Variants in LRRK2 observed in about 807,000 individuals in gnomAD.
LRRK2 encodes the protein leucine-rich repeat serine/threonine-protein kinase 2.
Under a neutral mutation model 302.6 loss-of-function variants are expected in LRRK2, and 203 were observed. That is an observed-to-expected ratio of 0.67 (90% CI 0.60 to 0.75). The LOEUF (loss-of-function observed/expected upper bound fraction) is 0.75, where lower values mean the gene tolerates loss of function less well. LRRK2 is among the 30% of genes least tolerant of loss of function. The pLI, the probability that LRRK2 is intolerant of heterozygous loss-of-function variation, is 0.00. For missense variants in LRRK2, 2,830 were observed against 2,951.0 expected (o/e 0.96, Z 0.95); for synonymous variants, 1,066 against 1,031.9 (o/e 1.03, Z -0.63).
intron 41 of LRRK2, among the ~76,000 whole-genome samples, chr12:40,342,324 C>T (rs1181759504): frequency 6.6e-6 from 1 of 152,128 alleles, no homozygotes; most frequent in Non-Finnish European, 1.5e-5. Context: ...CCATCTGATT[C>T]TTCATACCAA....
chr12:40,339,452 G>A (rs889259957), intron 40 of LRRK2, among the ~76,000 whole-genome samples: 1 of 152,146 alleles, frequency 6.6e-6, no homozygotes, highest in Admixed American at 6.5e-5. Flanking sequence ...ATAAGACCTG[G>A]TTGAGATGAA....
intron 38 of LRRK2, among the ~76,000 whole-genome samples, chr12:40,327,380 A>T (rs1945585989): frequency 6.6e-6 from 1 of 152,228 alleles, no homozygotes; most frequent in African/African-American, 2.4e-5. Flanking sequence ...GAAGAAAAAA[A>T]TCTAATGACC....
intron 25 of LRRK2, chr12:40,301,136 A>G (rs1944609532): frequency 2.2e-6 from 1 of 456,402 alleles, no homozygotes; most frequent in Non-Finnish European, 4.4e-6. Context: ...GCTTTGCACT[A>G]CACAATCTTA....
chr12:40,248,672 A>G (rs1246686963), intron 7 of LRRK2, among the ~76,000 whole-genome samples: 1 of 152,208 alleles, frequency 6.6e-6, no homozygotes, highest in Non-Finnish European at 1.5e-5. Context: ...TAATGCATTT[A>G]AAGGCTTTGT....
Position 40,232,298 on chromosome 12 carries a change from T to C in LRRK2, c.262T>C (p.Leu88=). ...QQVGWSLLCK[L]IEVCPGTMQS... The stretch of plus-strand genomic sequence containing the variant: ...GGTGGGTTGGTCACTTCTGTGCAAA[T>C]TAATAGAAGTCTGTCCAGGTACAAT... Residue 88 remains leucine (L), a synonymous_variant, in exon 3 of 51, where the codon TTA becomes CTA. Coordinates refer to ENST00000298910, the MANE Select transcript of LRRK2 (RefSeq NM_198578.4). The C allele has an allele frequency of 1.2e-6, 2 of 1,614,112 alleles. No homozygotes were observed. The highest frequency in any genetic ancestry group is 8.5e-7 in the Non-Finnish European group (1 of 1,179,964).
chr12:40,320,012 T>C lies in LRRK2; in HGVS notation c.4852T>C (p.Cys1618Arg), dbSNP rs772429087. 6.2e-7 allele frequency: 1 copy of C among 1,610,232 alleles called. No individual in the cohort carries two copies. The highest frequency in any genetic ancestry group is 2.2e-5 in the East Asian group (1 of 44,800). The change falls in exon 34 of 51, where the codon TGT becomes CGT. Residue 1618 changes from cysteine (C) to arginine (R), a missense_variant. Physicochemically the swap from Cys to Arg is radical, Grantham distance 180 (BLOSUM62 -3). Around this residue, in one of 3 missense-constraint regions of LRRK2, gnomAD observed 2,121 missense variants for 2,148.0 expected, o/e 0.99. Transcript: ENST00000298910. ...GATTTTGACAGTGAAAGTGGAAGGT[T>C]GTCCAAAACACCCTAAGGGCATTAT... ...AQILTVKVEG[C>R]PKHPKGIISR...
intron 5 of LRRK2, 149 bp from the exon 6 acceptor site, chr12:40,240,334 G>T: frequency 1.3e-6 from 1 of 742,218 alleles, no homozygotes; most frequent in Non-Finnish European, 2.2e-6. Context: ...ACATTCTTAG[G>T]AAGGGCTGCT....
chr12:40,266,518 A>C (rs1457667655), intron 14 of LRRK2, among the ~76,000 whole-genome samples: 1 of 152,178 alleles, frequency 6.6e-6, no homozygotes, highest in African/African-American at 2.4e-5. Flanking sequence ...GCTGGAGAGG[A>C]TGTGGAGAAA....
rs1465380717 is a variant in LRRK2 at position 40,305,841 on chromosome 12, C to T, written c.3834C>T (p.Asn1278=). The stretch of plus-strand genomic sequence containing the variant: ...TGACATCTCTGGATGTCAGTTACAA[C>T]TTGGAACTAAGATCCTTTCCCAATG... ...ENLTSLDVSY[N]LELRSFPNEM... The change falls in exon 28 of 51, where the codon AAC becomes AAT. Residue 1278 remains asparagine (N), a synonymous_variant. Transcript: ENST00000298910. 1 of 1,613,616 alleles carries T rather than the reference C, an allele frequency of 6.2e-7. No individual in the cohort carries two copies. The highest frequency in any genetic ancestry group is 8.5e-7 in the Non-Finnish European group (1 of 1,179,726).
At chr12:40,328,749 G>A (rs1031421595) in intron 39 of LRRK2, among the ~76,000 whole-genome samples, 1 of 152,120 alleles carries the variant, frequency 6.6e-6, no homozygotes, top group Non-Finnish European at 1.5e-5. Flanking sequence ...GAACCTTGCT[G>A]TTCAAAATGT....
At chr12:40,348,640 A>T in intron 43 of LRRK2, 131 bp downstream of exon 43, 6 of 679,454 alleles carry the variant, frequency 8.8e-6, no homozygotes, top group Non-Finnish European at 1.5e-5. Context: ...TTATAAGGCA[A>T]ACCTCCTATA....
At chr12:40,320,751 A>G (rs1169283535) in intron 34 of LRRK2, among the ~76,000 whole-genome samples, 2 of 152,050 alleles carry the variant, frequency 1.3e-5, no homozygotes, top group Non-Finnish European at 2.9e-5. Flanking sequence ...CAGGATTTAT[A>G]TAAGATTACA....
intron 18 of LRRK2, among the ~76,000 whole-genome samples, chr12:40,282,437 T>C (rs1450445350): frequency 1.3e-5 from 2 of 151,764 alleles, no homozygotes; most frequent in African/African-American, 4.8e-5. Flanking sequence ...GGAGGAGAAA[T>C]GGTGTGTTTG....
chr12:40,271,482 A>G (rs1274041998), intron 14 of LRRK2, among the ~76,000 whole-genome samples: 1 of 152,146 alleles, frequency 6.6e-6, no homozygotes, highest in Non-Finnish European at 1.5e-5. Context: ...TTGGAGAGTA[A>G]AAAAGCATAG....
chr12:40,247,505 C>A (rs10450793), intron 7 of LRRK2, among the ~76,000 whole-genome samples: 3,460 of 135,590 alleles, frequency 0.026, 307 homozygotes, highest in African/African-American at 0.086. Context: ...TATATTTACA[C>A]ATGTATATAA....
chr12:40,284,919 C>T (rs973518929), intron 19 of LRRK2, among the ~76,000 whole-genome samples: 1 of 152,110 alleles, frequency 6.6e-6, no homozygotes, highest in Admixed American at 6.6e-5. Flanking sequence ...GGTCAGTCTA[C>T]CAGTCTACTT....
chr12:40,284,702 T>G (rs1943847911), intron 19 of LRRK2, among the ~76,000 whole-genome samples: 1 of 152,162 alleles, frequency 6.6e-6, no homozygotes, highest in Non-Finnish European at 1.5e-5. Flanking sequence ...GACACTATTT[T>G]TATCTTTTGA....
intron 49 of LRRK2, chr12:40,365,507 A>C (rs541238388): frequency 6.6e-6 from 1 of 151,444 alleles, no homozygotes; most frequent in African/African-American, 2.4e-5. Flanking sequence ...AATATTGACA[A>C]ATCATATTTT....
chr12:40,291,478 A>AT (rs1203789312), intron 20 of LRRK2, among the ~76,000 whole-genome samples: 2 of 151,030 alleles, frequency 1.3e-5, no homozygotes, highest in East Asian at 3.9e-4. Context: ...GACTTCTTTG[A>AT]TTCACGAGTT....
Sources: gnomAD v4.1 joint callset for allele counts (sites outside exome capture counted in the v4.1 genomes callset) on GRCh38, gnomAD v4.1.1 for gene constraint, gnomAD v4.1.1 regional missense constraint, MANE v1.5 for transcripts, NCBI Gene and HGNC (gene_info 2026-07-23, HGNC 2026-07-21) for gene names.